SLC23A2: variants seen among roughly 807,000 people sequenced by gnomAD.
SLC23A2 encodes the protein Na(+)/L-ascorbic acid transporter 2.
Under a neutral mutation model 73.3 loss-of-function variants are expected in SLC23A2, and 36 were observed. The observed-to-expected ratio is 0.49, with a 90% CI of 0.38 to 0.65. The LOEUF (loss-of-function observed/expected upper bound fraction) is 0.65, where lower values mean the gene tolerates loss of function less well. Ranked by LOEUF, SLC23A2 falls within the 30% of genes least tolerant of loss-of-function variation. The probability of loss-of-function intolerance (pLI) is 0.00; values close to 1 mark genes in which losing one functional copy is unlikely to be tolerated. For synonymous variants in SLC23A2, 343 were observed against 327.3 expected, an observed-to-expected ratio of 1.05 and a Z score of -0.52; for missense variants, 507 against 841.6, an observed-to-expected ratio of 0.60 and a Z score of 4.92.
At chr20:4,894,049 C>G (rs1011448918) in intron 6 of SLC23A2, among the ~76,000 whole-genome samples, 5 of 152,184 alleles carry the variant, frequency 3.3e-5, no homozygotes, top group African/African-American at 1.2e-4. Context: ...CTCTCAAAAC[C>G]CTGACCTGAT....
chr20:4,998,356 T>C lies in SLC23A2; in HGVS notation c.-282+3050A>G, dbSNP rs897478132. ...ATGTAATAAATGTATGAAAGGCCTA[T>C]GAAAGGTGCAAGCTGAAAGCAGACC... On this transcript the variant is annotated intron_variant, in intron 1 of 16. Transcript: ENST00000338244. The surrounding 1 kb of genome is among the most constrained non-coding windows in gnomAD (Gnocchi z 4.1). 6.6e-6 allele frequency among the ~76,000 whole-genome samples: 1 copy of C among 152,112 alleles called. No homozygotes were observed. Among genetic ancestry groups the C allele is most frequent in the Non-Finnish European group, 1.5e-5 (1 of 68,022 alleles).
chr20:4,895,142 T>C (rs1327349055), intron 6 of SLC23A2, among the ~76,000 whole-genome samples: 1 of 152,258 alleles, frequency 6.6e-6, no homozygotes, highest in Non-Finnish European at 1.5e-5. Flanking sequence ...AGTCTGACAC[T>C]GTGTCTTAGA....
At chr20:4,935,383 C>G (rs2086946515) in intron 2 of SLC23A2, among the ~76,000 whole-genome samples, 1 of 152,136 alleles carries the variant, frequency 6.6e-6, no homozygotes, top group South Asian at 2.1e-4. Flanking sequence ...CACCACCCTG[C>G]CACAGCCCCC....
At chr20:4,865,773 T>G (rs1006687685) in intron 13 of SLC23A2, among the ~76,000 whole-genome samples, 1 of 152,176 alleles carries the variant, frequency 6.6e-6, no homozygotes, top group Non-Finnish European at 1.5e-5. Flanking sequence ...TAAAATGGTG[T>G]AGTATTTGCA....
At chr20:4,938,171 C>A (rs112510723) in intron 2 of SLC23A2, among the ~76,000 whole-genome samples, 386 of 151,814 alleles carry the variant, frequency 2.5e-3, no homozygotes, top group Non-Finnish European at 3.7e-3. Context: ...GCTAGGACTA[C>A]AGGCATGTGC....
At chr20:4,861,375 C>T (rs1160789270) in intron 15 of SLC23A2, among the ~76,000 whole-genome samples, 1 of 152,078 alleles carries the variant, frequency 6.6e-6, no homozygotes, top group East Asian at 1.9e-4. Context: ...ATTTCACCCA[C>T]AAAAAATATA....
intron 2 of SLC23A2, among the ~76,000 whole-genome samples, chr20:4,970,004 G>A (rs2087537326): frequency 6.6e-6 from 1 of 152,082 alleles, no homozygotes; most frequent in South Asian, 2.1e-4. Context: ...GAATGCTCCT[G>A]AGTAATGTAC....
intron 4 of SLC23A2, among the ~76,000 whole-genome samples, chr20:4,911,527 C>T (rs1364804937): frequency 6.6e-6 from 1 of 152,148 alleles, no homozygotes; most frequent in African/African-American, 2.4e-5. Context: ...GTGTCAACTT[C>T]TGGGTGGTCT....
chr20:4,942,139 C>G (rs978395333), intron 2 of SLC23A2, among the ~76,000 whole-genome samples: 12 of 152,174 alleles, frequency 7.9e-5, no homozygotes, highest in African/African-American at 2.9e-4. Flanking sequence ...GCATCTACCC[C>G]CTTTACAATG....
At chr20:4,889,213 C>T (rs776877417) in intron 6 of SLC23A2, among the ~76,000 whole-genome samples, 15 of 152,192 alleles carry the variant, frequency 9.9e-5, no homozygotes, top group African/African-American at 2.4e-4. Context: ...TCTTAAAGAA[C>T]GAGAAGTGCT....
chr20:4,937,581 C>A (rs533722764), intron 2 of SLC23A2, among the ~76,000 whole-genome samples: 1 of 152,278 alleles, frequency 6.6e-6, no homozygotes, highest in African/African-American at 2.4e-5. Flanking sequence ...TTGGTTTGCA[C>A]ACAAACTCTA....
intron 11 of SLC23A2, 139 bp downstream of exon 11, chr20:4,873,797 C>T: frequency 2.7e-6 from 2 of 751,246 alleles, no homozygotes; most frequent in South Asian, 3.9e-5. Context: ...CCCTTACTTG[C>T]TGTCTAATCC....
intron 2 of SLC23A2, among the ~76,000 whole-genome samples, chr20:4,962,287 G>A (rs2087404919): frequency 6.6e-6 from 1 of 152,022 alleles, no homozygotes; most frequent in African/African-American, 2.4e-5. Context: ...AGGGCACTGA[G>A]GGAGCTTGAC....
chr20:4,996,556 T>C (rs1444837675), intron 1 of SLC23A2, among the ~76,000 whole-genome samples: 1 of 151,684 alleles, frequency 6.6e-6, no homozygotes, highest in Non-Finnish European at 1.5e-5. Flanking sequence ...TACAGTGGTA[T>C]GCACCCATAA....
chr20:4,956,062 T>TA (rs1163036061), intron 2 of SLC23A2, among the ~76,000 whole-genome samples: 2 of 152,216 alleles, frequency 1.3e-5, no homozygotes, highest in Non-Finnish European at 2.9e-5. Context: ...ACTAAAATGC[T>TA]AAATATGGAC....
chr20:4,961,102 TC>T lies in SLC23A2; in HGVS notation c.-155+9690del, dbSNP rs1254010700. ...CTGATTACACATCCTTTTTTTTTTTTCTTTTTCTTTTTTTTTTTTTTTTGAG... is the reference window on the plus strand; with the variant it reads ...CTGATTACACATCCTTTTTTTTTTTTTTTTTCTTTTTTTTTTTTTTTTGAG... On this transcript the variant is annotated intron_variant, in intron 2 of 16. Transcript: ENST00000338244. Among the ~76,000 whole-genome samples the T allele has an allele frequency of 4.8e-4, 72 of 150,762 alleles. No individual in the cohort carries two copies. The East Asian group carries it at 0.011, about 23-fold the overall frequency.
At chr20:4,930,474 A>G (rs1327681475) in intron 3 of SLC23A2, among the ~76,000 whole-genome samples, 4 of 152,236 alleles carry the variant, frequency 2.6e-5, no homozygotes, top group Non-Finnish European at 5.9e-5. Flanking sequence ...ACAATTTAAA[A>G]AAATAAACGA....
At chr20:4,999,754 T>C (rs2088087074) in intron 1 of SLC23A2, among the ~76,000 whole-genome samples, 1 of 152,160 alleles carries the variant, frequency 6.6e-6, no homozygotes. Context: ...ATTGACTTAA[T>C]TGACCGTGCC....
chr20:4,963,596 CCAG>C (rs555210188), intron 2 of SLC23A2, among the ~76,000 whole-genome samples: 61 of 152,190 alleles, frequency 4.0e-4, no homozygotes, highest in African/African-American at 1.3e-3. Context: ...GCCTATAATT[CCAG>C]CAGTTTGGGA....
Sources: allele counts gnomAD v4.1 joint callset (sites outside exome capture counted in the v4.1 genomes callset), GRCh38; gene constraint gnomAD v4.1.1; non-coding constraint Gnocchi (gnomAD v3.1); transcripts MANE v1.5; gene names NCBI Gene and HGNC (gene_info 2026-07-23, HGNC 2026-07-21).